The following RAB43 variants were observed in gnomAD, a reference collection of about 807,000 sequenced individuals.
RAB43 encodes RAB43, member RAS oncogene family.
In RAB43, 6 loss-of-function variants were observed where a neutral mutation model predicts 18.8. The observed-to-expected ratio is 0.32, with a 90% CI of 0.17 to 0.63. The LOEUF (loss-of-function observed/expected upper bound fraction) is 0.63. Ranked by LOEUF, RAB43 falls within the 30% of genes least tolerant of loss-of-function variation. RAB43 has a pLI of 0.79. For synonymous variants in RAB43, 103 were observed against 124.1 expected (o/e 0.83, Z 1.13); for missense variants, 195 against 289.1 (o/e 0.67, Z 2.36).
At chr3:129,093,629 T>C (rs1198801490) in intron 2 of RAB43, among the ~76,000 whole-genome samples, 2 of 150,726 alleles carry the variant, frequency 1.3e-5, no homozygotes, top group Non-Finnish European at 3.0e-5. Context: ...CAAGAAAAGG[T>C]GGGGAAATGG....
At chr3:129,101,722 C>T (rs949398006) in intron 1 of RAB43, among the ~76,000 whole-genome samples, 2 of 152,188 alleles carry the variant, frequency 1.3e-5, no homozygotes, top group African/African-American at 2.4e-5. Flanking sequence ...GGAGGAGACA[C>T]GTTCAGAGAC....
intron 1 of RAB43, among the ~76,000 whole-genome samples, chr3:129,111,002 A>G (rs564389831): frequency 6.6e-6 from 1 of 152,010 alleles, no homozygotes; most frequent in African/African-American, 2.4e-5. Context: ...ATGCACTTGT[A>G]CCACAAATGC....
chr3:129,112,295 C>T (rs1411057887), intron 1 of RAB43, among the ~76,000 whole-genome samples: 1 of 151,782 alleles, frequency 6.6e-6, no homozygotes, highest in African/African-American at 2.4e-5. Context: ...ATAAAAAACC[C>T]CCAAAATCAA....
At chr3:129,116,564 C>G (rs1017256245) in intron 1 of RAB43, among the ~76,000 whole-genome samples, 3 of 152,288 alleles carry the variant, frequency 2.0e-5, no homozygotes, top group Middle Eastern at 3.4e-3. Flanking sequence ...CCTCTTATCC[C>G]GCCCTGCCCC....
intron 1 of RAB43, among the ~76,000 whole-genome samples, chr3:129,111,373 G>C (rs1038123600): frequency 6.6e-6 from 1 of 151,896 alleles, no homozygotes; most frequent in African/African-American, 2.4e-5. Context: ...AAATTAGCCG[G>C]GCGTAGTGGT....
rs1485100020 is a variant in RAB43, at chr3:129,121,572, G to C, written c.-83C>G. ...GCAAGCCGCGGGCCGAGCTCCGCCC[G>C]CTCCAGCCCACGGGCCGCCTGGCTA... On this transcript the variant is annotated 5_prime_UTR_variant, in exon 1 of 3. Transcript: ENST00000315150. 4 of 1,227,088 alleles carry C rather than the reference G, an allele frequency of 3.3e-6. No individual in the cohort carries two copies. The Admixed American group carries it at 1.1e-4, about 34-fold the overall frequency. The allele number at this position is 1,227,088 out of a possible 1,614,324, so 76.0% of individuals were successfully genotyped here.
intron 1 of RAB43, among the ~76,000 whole-genome samples, chr3:129,097,537 T>C (rs1934139916): frequency 6.6e-6 from 1 of 152,142 alleles, no homozygotes. Flanking sequence ...TGACTGAAAG[T>C]TCCTCTACCT....
At chr3:129,114,026 C>T (rs1007779808) in intron 1 of RAB43, among the ~76,000 whole-genome samples, 2 of 151,754 alleles carry the variant, frequency 1.3e-5, no homozygotes, top group Admixed American at 6.6e-5. Context: ...AGCGAGACTC[C>T]GTCTCGAAAG....
chr3:129,095,482 G>A lies in RAB43; in HGVS notation c.205-313C>T, dbSNP rs1256242604. On this transcript the variant is annotated intron_variant, in intron 1 of 2. Coordinates refer to ENST00000315150, the MANE Select transcript of RAB43 (RefSeq NM_198490.3). This position sits in a 1 kb window ranked among gnomAD's most constrained non-coding sequence, Gnocchi z 4.2. ...CCCTCAGGACTGGGCCCACTGCTGC[G>A]AAAACAGAACCACCAGTGCTCAAGC... Among the ~76,000 whole-genome samples, 3 of 152,210 alleles carry A rather than the reference G, an allele frequency of 2.0e-5. No homozygotes were observed. Among genetic ancestry groups the A allele is most frequent in the African/African-American group, 4.8e-5 (2 of 41,454 alleles).
rs918553829 is a variant in RAB43 at position 129,093,804 on chromosome 3, C to T, written c.388+1182G>A. Among the ~76,000 whole-genome samples the T allele has an allele frequency of 2.0e-5, 3 of 152,188 alleles. No homozygotes were observed. The South Asian group carries it at 6.2e-4, about 32-fold the overall frequency. The stretch of plus-strand genomic sequence containing the variant: ...GAGTCAGAAGAATCAACCTGTTGGC[C>T]CAGCTACTCGGGAGGCTGAAGCAGG... On this transcript the variant is annotated intron_variant, in intron 2 of 2. Coordinates refer to ENST00000315150, the MANE Select transcript of RAB43 (RefSeq NM_198490.3).
At chr3:129,092,913 G>A (rs534838791) in intron 2 of RAB43, among the ~76,000 whole-genome samples, 3 of 151,264 alleles carry the variant, frequency 2.0e-5, no homozygotes, top group East Asian at 2.0e-4. Context: ...CCGAGATCGC[G>A]CCACTGCACT....
intron 1 of RAB43, among the ~76,000 whole-genome samples, chr3:129,111,550 C>T (rs1192254816): frequency 1.3e-5 from 2 of 149,338 alleles, no homozygotes; most frequent in African/African-American, 4.9e-5. Context: ...TGCTGCCAGC[C>T]ATGGGATCCA....
intron 1 of RAB43, among the ~76,000 whole-genome samples, chr3:129,109,802 C>G (rs2108016907): frequency 6.6e-6 from 1 of 151,458 alleles, no homozygotes; most frequent in East Asian, 1.9e-4. Context: ...TAACTTGGTA[C>G]ATAATGTAAA....
chr3:129,111,025 C>T (rs1488683093), intron 1 of RAB43, among the ~76,000 whole-genome samples: 2 of 152,030 alleles, frequency 1.3e-5, no homozygotes, highest in Admixed American at 1.3e-4. Context: ...AGCAAACTGG[C>T]CCCAAGCCTA....
At chr3:129,120,221 A>C (rs1325709828) in intron 1 of RAB43, among the ~76,000 whole-genome samples, 1 of 152,198 alleles carries the variant, frequency 6.6e-6, no homozygotes, top group Non-Finnish European at 1.5e-5. Flanking sequence ...CAACACCCAG[A>C]AATTATCCCA....
At position 129,107,907 on chromosome 3, in the gene RAB43, C is replaced by G. The variant is rs914066020; in HGVS notation, c.205-12738G>C. Among the ~76,000 whole-genome samples, 2 of 152,202 alleles carry G rather than the reference C, an allele frequency of 1.3e-5. No homozygotes were observed. Among genetic ancestry groups the G allele is most frequent in the African/African-American group, 2.4e-5 (1 of 41,458 alleles). ...AAGCCACTCGGTCACCTCTTCAACT[C>G]TCTAGAGCAAACCCTCCTCCCCGGG... On this transcript the variant is annotated intron_variant, in intron 1 of 2. Transcript: ENST00000315150. This position sits in a 1 kb window ranked among gnomAD's most constrained non-coding sequence, Gnocchi z 4.2.
rs530463954 is a variant in RAB43, at chr3:129,107,859, C to G, written c.205-12690G>C. 5.3e-5 allele frequency among the ~76,000 whole-genome samples: 8 copies of G among 152,154 alleles called. No homozygotes were observed. The highest frequency in any genetic ancestry group is 1.0e-4 in the Non-Finnish European group (7 of 68,014). ...TCAACGATGGCCCAGACTGGCCTCA[C>G]GAGTCCCTCACCCTCACCCTCCAAG... On this transcript the variant is annotated intron_variant, in intron 1 of 2. Transcript: ENST00000315150. The surrounding 1 kb of genome is among the most constrained non-coding windows in gnomAD (Gnocchi z 4.2).
rs1178473400 is a variant in RAB43 at position 129,107,053 on chromosome 3, G to A, written c.205-11884C>T. 6.6e-6 allele frequency among the ~76,000 whole-genome samples: 1 copy of A among 152,244 alleles called. No individual in the cohort carries two copies. Among genetic ancestry groups the A allele is most frequent in the Non-Finnish European group, 1.5e-5 (1 of 68,042 alleles). ...AGGGGCCAGAGGCCATGAAAGCCAG[G>A]AAGGCAGAGTTCTGTGGGCACCTGG... On this transcript the variant is annotated intron_variant, in intron 1 of 2. Coordinates refer to ENST00000315150, the MANE Select transcript of RAB43 (RefSeq NM_198490.3). This position sits in a 1 kb window ranked among gnomAD's most constrained non-coding sequence, Gnocchi z 4.2.
chr3:129,104,545 C>A lies in RAB43; in HGVS notation c.205-9376G>T, dbSNP rs538419075. Among the ~76,000 whole-genome samples the A allele has an allele frequency of 2.6e-4, 39 of 152,290 alleles. 1 individual carries two copies. The South Asian group carries it at 6.6e-3, about 26-fold the overall frequency. ...GTATGCTCAGAAAAGCAGCACTCCC[C>A]CTCCTCTCCCACTCAGCAAGGGTTG... On this transcript the variant is annotated intron_variant, in intron 1 of 2. Coordinates refer to ENST00000315150, the MANE Select transcript of RAB43 (RefSeq NM_198490.3).
Sources: allele counts gnomAD v4.1 joint callset (sites outside exome capture counted in the v4.1 genomes callset), GRCh38; gene constraint gnomAD v4.1.1; non-coding constraint Gnocchi (gnomAD v3.1); transcripts MANE v1.5; gene names NCBI Gene and HGNC (gene_info 2026-07-23, HGNC 2026-07-21).